ATAD2B: variants seen among roughly 807,000 people sequenced by gnomAD.
The protein encoded by ATAD2B is ATPase family AAA domain-containing protein 2B.
In ATAD2B, 40 loss-of-function variants were observed where a neutral mutation model predicts 167.6. The ratio of observed to expected loss-of-function variants is 0.24; its 90% confidence interval spans 0.19 to 0.31. The LOEUF (loss-of-function observed/expected upper bound fraction) is 0.31, where lower values mean the gene tolerates loss of function less well. Among genes scored for constraint, ATAD2B ranks in the 10% least tolerant of loss-of-function variants. The pLI is 1.00. For missense variants in ATAD2B, 1,242 were observed against 1,757.2 expected, an observed-to-expected ratio of 0.71 and a Z score of 5.24; for synonymous variants, 579 against 596.5, an observed-to-expected ratio of 0.97 and a Z score of 0.43.
chr2:23,759,246 A>T (rs1051646742), intron 24 of ATAD2B, among the ~76,000 whole-genome samples: 3 of 152,154 alleles, frequency 2.0e-5, no homozygotes, highest in Non-Finnish European at 2.9e-5. Context: ...ATTTTAACTT[A>T]AAAAAAGACA....
chr2:23,737,176 T>C, the ATAD2B span, among the ~76,000 whole-genome samples: 1 of 152,198 alleles, frequency 6.6e-6, no homozygotes, highest in Non-Finnish European at 1.5e-5. Context: ...TAAATGTCCC[T>C]CTTTGACACC....
the ATAD2B span, among the ~76,000 whole-genome samples, chr2:23,714,956 T>C: frequency 2.0e-5 from 3 of 152,068 alleles, no homozygotes; most frequent in Non-Finnish European, 4.4e-5. Flanking sequence ...TGCAGCAAAA[T>C]GTTTCATAGG....
intron 18 of ATAD2B, among the ~76,000 whole-genome samples, chr2:23,809,769 A>G (rs575175589): frequency 2.0e-4 from 30 of 152,198 alleles, no homozygotes; most frequent in Non-Finnish European, 4.0e-4. Flanking sequence ...ATCCATGGTT[A>G]TATATAACAA....
chr2:23,888,432 A>G, intron 2 of ATAD2B, 33 bp from the exon 3 acceptor site: 1 of 1,386,018 alleles, frequency 7.2e-7, no homozygotes, highest in Non-Finnish European at 9.8e-7. Context: ...ATGCAAACAC[A>G]TCAACATTTG....
chr2:23,870,393 C>A (rs1204064993), intron 8 of ATAD2B, among the ~76,000 whole-genome samples: 2 of 148,432 alleles, frequency 1.3e-5, no homozygotes, highest in East Asian at 4.0e-4. Context: ...CTCAAGCGAT[C>A]CTCCTGCCTC....
At chr2:23,859,852 A>G (rs904113789) in intron 12 of ATAD2B, among the ~76,000 whole-genome samples, 2 of 151,852 alleles carry the variant, frequency 1.3e-5, no homozygotes, top group African/African-American at 2.4e-5. Flanking sequence ...CGGGAGGCTG[A>G]GGCATGAGAA....
chr2:23,871,980 C>T (rs1232383507), intron 8 of ATAD2B, among the ~76,000 whole-genome samples: 1 of 152,114 alleles, frequency 6.6e-6, no homozygotes, highest in African/African-American at 2.4e-5. Context: ...TGGGTTCACG[C>T]GATTCTCCTG....
the ATAD2B span, chr2:23,696,154 G>A: frequency 6.5e-7 from 1 of 1,546,438 alleles, no homozygotes; most frequent in Non-Finnish European, 8.7e-7. This position sits in a 1 kb window ranked among gnomAD's most constrained non-coding sequence, Gnocchi z 5.5. Context: ...CCGGGGTTGG[G>A]GCGGGACCAG....
intron 8 of ATAD2B, among the ~76,000 whole-genome samples, chr2:23,875,240 G>A (rs1164567775): frequency 4.6e-5 from 7 of 151,674 alleles, no homozygotes; most frequent in Non-Finnish European, 2.9e-5. Flanking sequence ...CATGACTCAC[G>A]CCTGTAATCC....
chr2:23,718,318 C>G, the ATAD2B span, among the ~76,000 whole-genome samples: 1 of 152,186 alleles, frequency 6.6e-6, no homozygotes, highest in Admixed American at 6.5e-5. Flanking sequence ...CCTAGGAAAG[C>G]ATTAGCCTCC....
chr2:23,835,923 C>T (rs966587893), intron 13 of ATAD2B, among the ~76,000 whole-genome samples: 3 of 149,094 alleles, frequency 2.0e-5, no homozygotes, highest in African/African-American at 7.5e-5. Context: ...GTGACAAGAG[C>T]GAAACTCCAT....
chr2:23,805,795 TAAA>T (rs3030816), intron 18 of ATAD2B, among the ~76,000 whole-genome samples: 7 of 100,970 alleles, frequency 6.9e-5, no homozygotes, highest in African/African-American at 2.0e-4. Flanking sequence ...TATCAAGCTT[TAAA>T]AAAAAAAAAA....
chr2:23,857,308 G>A, intron 13 of ATAD2B, 107 bp downstream of exon 13: 2 of 608,276 alleles, frequency 3.3e-6, no homozygotes, highest in Non-Finnish European at 5.6e-6. Context: ...GACACAGATT[G>A]TTTTAAATTT....
chr2:23,917,465 CT>C (rs1197442868), intron 1 of ATAD2B, among the ~76,000 whole-genome samples: 1 of 152,192 alleles, frequency 6.6e-6, no homozygotes, highest in African/African-American at 2.4e-5. Context: ...TTTACTCCCC[CT>C]AGAGATAGTT....
chr2:23,701,645 C>G, the ATAD2B span, among the ~76,000 whole-genome samples: 3 of 142,826 alleles, frequency 2.1e-5, no homozygotes. Context: ...CCCAGAAGAT[C>G]AAGGCTGCAG....
chr2:23,732,378 GA>G, the ATAD2B span, among the ~76,000 whole-genome samples: 39 of 152,060 alleles, frequency 2.6e-4, no homozygotes, highest in Admixed American at 2.6e-4. Context: ...AAAACTATAC[GA>G]AAAGCAAAAA....
At chr2:23,743,382 C>T in the ATAD2B span, among the ~76,000 whole-genome samples, 2 of 151,970 alleles carry the variant, frequency 1.3e-5, no homozygotes, top group African/African-American at 4.8e-5. Flanking sequence ...GCCTGACCAA[C>T]ACGGTGAAAC....
the ATAD2B span, among the ~76,000 whole-genome samples, chr2:23,687,657 C>T: frequency 6.6e-6 from 1 of 152,172 alleles, no homozygotes; most frequent in Admixed American, 6.5e-5. Context: ...GGGGGAGGGT[C>T]ATTCAGAGAG....
At position 23,823,418 on chromosome 2, in the gene ATAD2B, C is replaced by T; in HGVS notation, c.1971G>A (p.Met657Ile). ...GTTGGGAAGCAGGCACGATATTCTG[C>T]ATTGCATGGTAAAAATCTTGGGCAC... ...VLSAQDFYHA[M>I]QNIVPASQRA... is the part of the protein sequence containing the mutation. The change falls in exon 16 of 28, where the codon ATG (methionine) becomes ATA (isoleucine). Residue 657 changes from methionine (M) to isoleucine (I), a missense_variant. Met to Ile is a conservative substitution (Grantham distance 10). Coordinates refer to ENST00000238789, the MANE Select transcript of ATAD2B (RefSeq NM_017552.4). 6.2e-7 allele frequency: 1 copy of T among 1,613,954 alleles called. No individual in the cohort carries two copies. Among genetic ancestry groups the T allele is most frequent in the Non-Finnish European group, 8.5e-7 (1 of 1,179,876 alleles).
Sources: allele counts gnomAD v4.1 joint callset (sites outside exome capture counted in the v4.1 genomes callset), GRCh38; gene constraint gnomAD v4.1.1; non-coding constraint Gnocchi (gnomAD v3.1); transcripts MANE v1.5; gene names NCBI Gene and HGNC (gene_info 2026-07-23, HGNC 2026-07-21).